The following GALNT13 variants were observed in gnomAD, a reference collection of about 807,000 sequenced individuals.
The protein encoded by GALNT13 is UDP-GalNAc:polypeptide N-acetylgalactosaminyltransferase 13.
In GALNT13, 28 loss-of-function variants were observed where a neutral mutation model predicts 64.2. The observed-to-expected ratio is 0.44, with a 90% CI of 0.32 to 0.60. GALNT13 has a LOEUF of 0.60. GALNT13 is among the 20% of genes least tolerant of loss of function. The pLI is 0.05. For missense variants in GALNT13, 577 were observed against 669.8 expected, an observed-to-expected ratio of 0.86 and a Z score of 1.53; for synonymous variants, 214 against 224.6, an observed-to-expected ratio of 0.95 and a Z score of 0.42.
At chr2:153,923,151 C>T (rs923539549) in intron 2 of GALNT13, among the ~76,000 whole-genome samples, 4 of 152,198 alleles carry the variant, frequency 2.6e-5, no homozygotes, top group African/African-American at 7.2e-5. Flanking sequence ...CCTCCCACGT[C>T]GGCCTCCCAA....
At chr2:154,093,975 A>C (rs75918825) in intron 3 of GALNT13, among the ~76,000 whole-genome samples, 20 of 151,768 alleles carry the variant, frequency 1.3e-4, no homozygotes, top group Non-Finnish European at 2.5e-4. Context: ...ATCTTTTGGT[A>C]TGATGGTTTT....
the GALNT13 span, among the ~76,000 whole-genome samples, chr2:153,837,578 G>C: frequency 6.6e-6 from 1 of 151,860 alleles, no homozygotes; most frequent in African/African-American, 2.4e-5. Context: ...TTGCAAATCA[G>C]TATTTCATTC....
At chr2:154,257,107 G>GA (rs1309788646) in intron 7 of GALNT13, among the ~76,000 whole-genome samples, 1 of 152,062 alleles carries the variant, frequency 6.6e-6, no homozygotes, top group African/African-American at 2.4e-5. Flanking sequence ...TCTGTCTTCA[G>GA]AAAATACAGG....
the GALNT13 span, among the ~76,000 whole-genome samples, chr2:153,841,734 T>C: frequency 4.6e-5 from 7 of 152,296 alleles, no homozygotes; most frequent in African/African-American, 1.7e-4. Flanking sequence ...AGCATCTGTA[T>C]TATGGTTTGA....
chr2:153,364,209 C>T, the GALNT13 span, among the ~76,000 whole-genome samples: 1 of 152,176 alleles, frequency 6.6e-6, no homozygotes, highest in East Asian at 1.9e-4. Context: ...TAAAAACTCT[C>T]AATAAACTAG....
intron 8 of GALNT13, among the ~76,000 whole-genome samples, chr2:154,272,209 A>G (rs1387917931): frequency 6.6e-6 from 1 of 152,040 alleles, no homozygotes; most frequent in Non-Finnish European, 1.5e-5. Context: ...CATTAGATGG[A>G]AATAAAGGTA....
chr2:153,321,780 G>A, the GALNT13 span, among the ~76,000 whole-genome samples: 1 of 152,096 alleles, frequency 6.6e-6, no homozygotes, highest in African/African-American at 2.4e-5. Flanking sequence ...AAGCCTCAGG[G>A]CAGTACATGC....
the GALNT13 span, among the ~76,000 whole-genome samples, chr2:153,261,220 C>A: frequency 1.3e-5 from 2 of 152,020 alleles, no homozygotes; most frequent in South Asian, 2.1e-4. Context: ...TTATTTAATT[C>A]ATTGGGTGAG....
the GALNT13 span, among the ~76,000 whole-genome samples, chr2:153,151,342 G>A: frequency 6.6e-6 from 1 of 151,770 alleles, no homozygotes; most frequent in African/African-American, 2.4e-5. Context: ...AGGTGCTGGA[G>A]AGGATGTGGA....
At chr2:153,687,410 A>G in the GALNT13 span, among the ~76,000 whole-genome samples, 1 of 151,726 alleles carries the variant, frequency 6.6e-6, no homozygotes, top group African/African-American at 2.4e-5. Context: ...TTTCTTCTAG[A>G]TTTTCTAGTT....
the GALNT13 span, among the ~76,000 whole-genome samples, chr2:153,151,182 A>G: frequency 6.6e-6 from 1 of 152,032 alleles, no homozygotes; most frequent in South Asian, 2.1e-4. Context: ...GAGGTCCTTC[A>G]TGTCCCTTGT....
At chr2:153,931,933 T>C (rs558468652) in intron 2 of GALNT13, among the ~76,000 whole-genome samples, 1 of 152,300 alleles carries the variant, frequency 6.6e-6, no homozygotes, top group Non-Finnish European at 1.5e-5. Flanking sequence ...TTCAGTAAGA[T>C]TGGCACCAGT....
Position 153,889,054 on chromosome 2 carries a change from G to A in GALNT13, c.-176-11882G>A, listed in dbSNP as rs561980422. 3.3e-5 allele frequency among the ~76,000 whole-genome samples: 5 copies of A among 152,074 alleles called. 1 individual carries two copies. In the South Asian group the frequency reaches 1.0e-3, roughly 32 times the overall value. On this transcript the variant is annotated intron_variant, in intron 1 of 12. Transcript: ENST00000392825. Reference sequence around the variant, plus strand: ...CTGTTTCCTAGCACAGGGCAGAGTTGATGCAAACTACCTGTGTGTGTGCTT... The same window carrying A: ...CTGTTTCCTAGCACAGGGCAGAGTTAATGCAAACTACCTGTGTGTGTGCTT...
the GALNT13 span, among the ~76,000 whole-genome samples, chr2:153,669,857 C>T: frequency 3.9e-5 from 6 of 152,020 alleles, no homozygotes; most frequent in Non-Finnish European, 7.4e-5. Flanking sequence ...GCCAGCAGAC[C>T]AGGAGATTCC....
the GALNT13 span, among the ~76,000 whole-genome samples, chr2:153,360,914 A>C: frequency 2.0e-5 from 3 of 152,046 alleles, 1 homozygote; most frequent in South Asian, 6.2e-4. Flanking sequence ...TTGCCACCCA[A>C]CTGGGTAAGA....
rs1203905218 is a variant in GALNT13, at chr2:154,171,759, A to T, written c.311+31254A>T. Among the ~76,000 whole-genome samples the T allele has an allele frequency of 4.6e-5, 7 of 152,040 alleles. No individual in the cohort carries two copies. The East Asian group carries it at 1.3e-3, about 29-fold the overall frequency. ...AGCTTGTTTTATCAGCTATTTCAAGACTATTTCCACTTGAGAGTTTTGTAC... is the reference window on the plus strand; with the variant it reads ...AGCTTGTTTTATCAGCTATTTCAAGTCTATTTCCACTTGAGAGTTTTGTAC... On this transcript the variant is annotated intron_variant, in intron 4 of 12. Coordinates refer to ENST00000392825, the MANE Select transcript of GALNT13 (RefSeq NM_052917.4).
At chr2:153,686,592 A>G in the GALNT13 span, among the ~76,000 whole-genome samples, 134 of 152,064 alleles carry the variant, frequency 8.8e-4, no homozygotes, top group African/African-American at 2.9e-3. Context: ...ACAAACAGGA[A>G]TAGTTTGACA....
the GALNT13 span, among the ~76,000 whole-genome samples, chr2:153,855,456 T>C: frequency 6.6e-6 from 1 of 152,074 alleles, no homozygotes; most frequent in Non-Finnish European, 1.5e-5. Flanking sequence ...CCAAAGAAGA[T>C]TGCAAATGTC....
At chr2:154,216,967 T>A (rs78848108) in intron 4 of GALNT13, among the ~76,000 whole-genome samples, 2,757 of 150,608 alleles carry the variant, frequency 0.018, 82 homozygotes, top group African/African-American at 0.063. Context: ...TTTTTTTTTT[T>A]ATTTTTTTAG....
Sources: allele counts gnomAD v4.1 joint callset (sites outside exome capture counted in the v4.1 genomes callset), GRCh38; gene constraint gnomAD v4.1.1; transcripts MANE v1.5; gene names NCBI Gene and HGNC (gene_info 2026-07-23, HGNC 2026-07-21).